Variants in EXD3 observed in about 807,000 individuals in gnomAD.
EXD3 encodes the protein exonuclease 3'-5' domain containing 3, also known as exonuclease mut-7 homolog.
In EXD3, 92 loss-of-function variants were observed where a neutral mutation model predicts 98.0. The ratio of observed to expected loss-of-function variants is 0.94; its 90% CI spans 0.79 to 1.12. The LOEUF (loss-of-function observed/expected upper bound fraction) is 1.12, where lower values mean the gene tolerates loss of function less well. Among genes scored for constraint, EXD3 ranks in the 50% most tolerant of loss-of-function variants. EXD3 has a pLI of 0.00. For missense variants in EXD3, 1,222 were observed against 1,191.6 expected (o/e 1.03, Z -0.38); for synonymous variants, 569 against 526.0 (o/e 1.08, Z -1.12).
chr9:137,366,028 A>G, intron 7 of EXD3: 2 of 632,688 alleles, frequency 3.2e-6, no homozygotes, highest in Admixed American at 4.2e-5. Context: ...ACACACATAC[A>G]TGCACACACA....
intron 12 of EXD3, 104 bp from the exon 13 acceptor site, chr9:137,351,632 G>A: frequency 9.2e-7 from 1 of 1,090,020 alleles, no homozygotes; most frequent in Non-Finnish European, 1.3e-6. Context: ...GCTTCGGGGA[G>A]ACGCCCCTGC....
At chr9:137,313,117 G>A (rs1831455117) in intron 19 of EXD3, among the ~76,000 whole-genome samples, 1 of 152,156 alleles carries the variant, frequency 6.6e-6, no homozygotes, top group Admixed American at 6.5e-5. Context: ...CCACCCCTGA[G>A]GCCTTGGGTC....
At chr9:137,326,531 GAAAA>G (rs1279536694) in intron 17 of EXD3, among the ~76,000 whole-genome samples, 1 of 151,220 alleles carries the variant, frequency 6.6e-6, no homozygotes, top group Non-Finnish European at 1.5e-5. Context: ...ATCTCAAAAA[GAAAA>G]AAAACAGTTG....
At chr9:137,312,232 C>T (rs1160487982) in intron 19 of EXD3, among the ~76,000 whole-genome samples, 31 of 152,182 alleles carry the variant, frequency 2.0e-4, no homozygotes, top group Admixed American at 2.0e-3. Context: ...TCCACCCCAC[C>T]CCCTCCAGTC....
intron 1 of EXD3, among the ~76,000 whole-genome samples, chr9:137,404,177 G>C (rs1392006839): frequency 6.6e-6 from 1 of 152,132 alleles, no homozygotes; most frequent in African/African-American, 2.4e-5. Context: ...TTTTACCTCT[G>C]CCAAGACCCC....
chr9:137,388,624 G>A (rs1314520701), intron 2 of EXD3, among the ~76,000 whole-genome samples: 1 of 152,164 alleles, frequency 6.6e-6, no homozygotes, highest in Non-Finnish European at 1.5e-5. Context: ...CGGGCGCCAG[G>A]CAGAGGACAC....
At chr9:137,336,693 A>G (rs1261401435) in intron 17 of EXD3, among the ~76,000 whole-genome samples, 7 of 151,650 alleles carry the variant, frequency 4.6e-5, no homozygotes, top group African/African-American at 1.5e-4. Context: ...GGCAATCCCT[A>G]CAAAGAAAAG....
At chr9:137,375,849 C>G (rs1280215273) in intron 3 of EXD3, among the ~76,000 whole-genome samples, 2 of 152,144 alleles carry the variant, frequency 1.3e-5, no homozygotes, top group Non-Finnish European at 2.9e-5. Flanking sequence ...ACAATGAAAA[C>G]TTAGAAAACA....
intron 19 of EXD3, among the ~76,000 whole-genome samples, chr9:137,311,269 CCCAGCCCAGATCTGGGT>C (rs370755085): frequency 1.5e-4 from 23 of 152,310 alleles, no homozygotes; most frequent in Middle Eastern, 3.4e-3. Context: ...GGCCTCTGGG[CCCAGCCCAGATCTGGGT>C]CCAGCAGGCT....
Position 137,395,530 on chromosome 9 carries a change from C to T in EXD3, c.-47-126G>A. The T allele has an allele frequency of 3.5e-6, 3 of 846,610 alleles. No homozygotes were observed. Among genetic ancestry groups the T allele is most frequent in the Non-Finnish European group, 5.5e-6 (3 of 546,770 alleles). 52.4% of individuals were successfully genotyped at this position (846,610 alleles called of 1,614,324 possible). A position where few individuals can be genotyped will look rare whatever the true frequency, so the allele number is the denominator to read the frequency against. On this transcript the variant is annotated intron_variant, in intron 1 of 21. Transcript: ENST00000340951. This position sits in a 1 kb window ranked among gnomAD's most constrained non-coding sequence, Gnocchi z 6.5. ...CCTGGGGGGGCCCAAGTGGGACCCC[C>T]AGTCGCTGAGCATAGCGGGCAGCTC...
chr9:137,323,627 G>A (rs1044637383), intron 19 of EXD3, 98 bp downstream of exon 19: 77 of 1,502,224 alleles, frequency 5.1e-5, no homozygotes, highest in Non-Finnish European at 6.7e-5. Flanking sequence ...CCCCACCCCA[G>A]ACCCACCACT....
Position 137,395,104 on chromosome 9 carries a change from C to T in EXD3, c.55+199G>A, listed in dbSNP as rs938189286. Among the ~76,000 whole-genome samples the T allele has an allele frequency of 1.3e-5, 2 of 152,102 alleles. No individual in the cohort carries two copies. Among genetic ancestry groups the T allele is most frequent in the African/African-American group, 2.4e-5 (1 of 41,422 alleles). The stretch of plus-strand genomic sequence containing the variant: ...CAAGGAGGCGGCCTGTCCTGACCCC[C>T]GAGGACAACAAGGCCACAGTGGGGC... On this transcript the variant is annotated intron_variant, in intron 2 of 21. Coordinates refer to ENST00000340951, the MANE Select transcript of EXD3 (RefSeq NM_017820.5). The surrounding 1 kb of genome is among the most constrained non-coding windows in gnomAD (Gnocchi z 6.5).
At chr9:137,321,422 C>T (rs1832025890) in intron 19 of EXD3, among the ~76,000 whole-genome samples, 1 of 152,214 alleles carries the variant, frequency 6.6e-6, no homozygotes, top group Admixed American at 6.5e-5. Flanking sequence ...ATTACTCACG[C>T]CTGTCATCCC....
intron 17 of EXD3, among the ~76,000 whole-genome samples, chr9:137,328,273 C>G (rs879556755): frequency 2.0e-5 from 2 of 99,230 alleles, no homozygotes; most frequent in Admixed American, 1.0e-4. Context: ...AAATAAACAC[C>G]CACATGATGA....
chr9:137,388,994 G>A (rs1187702644), intron 2 of EXD3, among the ~76,000 whole-genome samples: 1 of 152,160 alleles, frequency 6.6e-6, no homozygotes, highest in Non-Finnish European at 1.5e-5. Context: ...GAGACCCCAT[G>A]GCACCTCCCG....
At position 137,405,543 on chromosome 9, in the gene EXD3, C is replaced by A. The variant is rs987438620; in HGVS notation, c.-47-10139G>T. On this transcript the variant is annotated intron_variant, in intron 1 of 21. Transcript: ENST00000340951. This position sits in a 1 kb window ranked among gnomAD's most constrained non-coding sequence, Gnocchi z 4.1. The stretch of plus-strand genomic sequence containing the variant: ...AGTTTCTCAGGCTCTCAACAATAAA[C>A]TTTACGTCTCATGGTTCAAGAAATG... 5.9e-5 allele frequency among the ~76,000 whole-genome samples: 9 copies of A among 152,244 alleles called. No homozygotes were observed. Among genetic ancestry groups the A allele is most frequent in the African/African-American group, 2.2e-4 (9 of 41,472 alleles).
intron 20 of EXD3, among the ~76,000 whole-genome samples, chr9:137,308,103 T>C (rs1052877845): frequency 6.6e-6 from 1 of 151,902 alleles, no homozygotes; most frequent in Non-Finnish European, 1.5e-5. Context: ...AAGTGGCTCG[T>C]GCTGGCCCTG....
chr9:137,329,277 GA>G (rs1485644841), intron 17 of EXD3, among the ~76,000 whole-genome samples: 1 of 16,820 alleles, frequency 5.9e-5, no homozygotes, highest in Non-Finnish European at 9.0e-5. Context: ...GGCTACACGG[GA>G]GCTACACGGG....
intron 1 of EXD3, among the ~76,000 whole-genome samples, chr9:137,412,186 C>A (rs1838037073): frequency 6.6e-6 from 1 of 152,228 alleles, no homozygotes; most frequent in South Asian, 2.1e-4. Flanking sequence ...GGGCGGGCAA[C>A]ACTGGCTTCA....
Sources: gnomAD v4.1 joint callset for allele counts (sites outside exome capture counted in the v4.1 genomes callset) on GRCh38, gnomAD v4.1.1 for gene constraint, Gnocchi (gnomAD v3.1) non-coding constraint, MANE v1.5 for transcripts, NCBI Gene and HGNC (gene_info 2026-07-23, HGNC 2026-07-21) for gene names.